Variants in ULK4 observed in about 807,000 individuals in gnomAD.
ULK4 encodes unc-51 like kinase 4, also known as inactive serine/threonine-protein kinase ULK4.
A neutral mutation model predicts 160.6 loss-of-function variants in ULK4; 133 were observed. The ratio of observed to expected loss-of-function variants is 0.83; its 90% CI spans 0.72 to 0.96. The LOEUF (loss-of-function observed/expected upper bound fraction) is 0.96. Ranked by LOEUF, ULK4 falls within the 40% of genes least tolerant of loss-of-function variation. The pLI, the probability that ULK4 is intolerant of heterozygous loss-of-function variation, is 0.00. For missense variants in ULK4, 1,580 were observed against 1,499.5 expected, an observed-to-expected ratio of 1.05 and a Z score of -0.89; for synonymous variants, 534 against 539.8, an observed-to-expected ratio of 0.99 and a Z score of 0.15.
At chr3:41,648,905 G>A (rs28419079) in intron 30 of ULK4, among the ~76,000 whole-genome samples, 19 of 152,168 alleles carry the variant, frequency 1.2e-4, no homozygotes, top group South Asian at 8.3e-4. Flanking sequence ...AGGCCAAGGC[G>A]GGCAGATCGT....
intron 29 of ULK4, among the ~76,000 whole-genome samples, chr3:41,669,725 G>T (rs1180053331): frequency 6.6e-6 from 1 of 151,696 alleles, no homozygotes; most frequent in African/African-American, 2.4e-5. Flanking sequence ...TTGTTTAAAT[G>T]ATTTTTAGTA....
At chr3:41,903,454 G>A (rs780740649) in intron 12 of ULK4, among the ~76,000 whole-genome samples, 6 of 152,050 alleles carry the variant, frequency 3.9e-5, no homozygotes, top group East Asian at 3.9e-4. Context: ...GTGTGGTGGC[G>A]GGTGCCTGTG....
chr3:41,636,599 GT>G (rs750453626), intron 30 of ULK4, among the ~76,000 whole-genome samples: 2 of 151,382 alleles, frequency 1.3e-5, no homozygotes, highest in Non-Finnish European at 2.9e-5. Flanking sequence ...TATTTTTATT[GT>G]TGTTTTTTTT....
At chr3:41,537,256 T>C (rs557888892) in intron 32 of ULK4, among the ~76,000 whole-genome samples, 2 of 110,710 alleles carry the variant, frequency 1.8e-5, no homozygotes, top group African/African-American at 6.5e-5. Context: ...GTAAATCCCA[T>C]GAAGTTATGC....
chr3:41,896,013 A>C (rs1475085690), intron 15 of ULK4, among the ~76,000 whole-genome samples: 1 of 152,130 alleles, frequency 6.6e-6, no homozygotes. Flanking sequence ...AAACCAAAAA[A>C]ACTCTGACAA....
At chr3:41,388,942 T>C (rs1260069540) in intron 35 of ULK4, among the ~76,000 whole-genome samples, 1 of 152,062 alleles carries the variant, frequency 6.6e-6, no homozygotes, top group African/African-American at 2.4e-5. Context: ...GGGGATGGCA[T>C]TGAATCTGTA....
chr3:41,268,811 CACAAA>C (rs1412127052), intron 35 of ULK4, among the ~76,000 whole-genome samples: 2 of 45,020 alleles, frequency 4.4e-5, no homozygotes, highest in Non-Finnish European at 8.4e-5. Context: ...CTCACACACA[CACAAA>C]AAAAAAAAAA....
At chr3:41,578,629 T>C (rs111960028) in intron 31 of ULK4, among the ~76,000 whole-genome samples, 1,774 of 152,276 alleles carry the variant, frequency 0.012, 38 homozygotes, top group African/African-American at 0.041. Context: ...AGTATTAATG[T>C]AGGTGAATAA....
intron 20 of ULK4, among the ~76,000 whole-genome samples, chr3:41,794,687 C>CAAAAAAAAAA (rs2040252658): frequency 1.7e-5 from 1 of 58,546 alleles, no homozygotes; most frequent in Non-Finnish European, 3.0e-5. Context: ...AAAAAAAAAA[C>CAAAAAAAAAA]ACAGAAAAAA....
rs951585032 is a variant in ULK4 at position 41,352,179 on chromosome 3, C to A, written c.3678+45900G>T. Among the ~76,000 whole-genome samples the A allele has an allele frequency of 2.0e-5, 3 of 152,126 alleles. No individual in the cohort carries two copies. The South Asian group carries it at 6.2e-4, about 32-fold the overall frequency. Reference sequence around the variant, plus strand: ...CATGGCCTCATACTCTTCACTTGACCGCAGGCTTCCTCTGACTTGGCTCCT... The same window carrying A: ...CATGGCCTCATACTCTTCACTTGACAGCAGGCTTCCTCTGACTTGGCTCCT... On this transcript the variant is annotated intron_variant, in intron 35 of 36. Transcript: ENST00000301831.
At chr3:41,835,835 C>G (rs374598432) in intron 18 of ULK4, 29 bp downstream of exon 18, 11 of 1,500,872 alleles carry the variant, frequency 7.3e-6, no homozygotes, top group Non-Finnish European at 1.0e-5. Flanking sequence ...ACATGTCAAA[C>G]AGCAACAGAG....
At chr3:41,829,251 G>C (rs374164869) in intron 18 of ULK4, among the ~76,000 whole-genome samples, 23,247 of 130,866 alleles carry the variant, frequency 0.18, 3,234 homozygotes, top group African/African-American at 0.38. Context: ...GACTTCATGT[G>C]TAAAACACCA....
chr3:41,757,350 T>G (rs1330733375), intron 21 of ULK4, among the ~76,000 whole-genome samples: 3 of 152,080 alleles, frequency 2.0e-5, no homozygotes, highest in Non-Finnish European at 4.4e-5. Context: ...AAACTCTTTT[T>G]GGCCAGGCAC....
At chr3:41,270,103 G>GT (rs1448424508) in intron 35 of ULK4, among the ~76,000 whole-genome samples, 1 of 152,122 alleles carries the variant, frequency 6.6e-6, no homozygotes, top group Non-Finnish European at 1.5e-5. Flanking sequence ...GTTAGCTAAA[G>GT]TTGGAGGTCA....
At chr3:41,655,552 A>T (rs953689851) in intron 30 of ULK4, among the ~76,000 whole-genome samples, 28 of 152,196 alleles carry the variant, frequency 1.8e-4, no homozygotes, top group African/African-American at 5.5e-4. Context: ...AAATTAATTT[A>T]AAAAATTATC....
At chr3:41,949,202 G>A (rs182092342) in intron 2 of ULK4, among the ~76,000 whole-genome samples, 48 of 151,786 alleles carry the variant, frequency 3.2e-4, no homozygotes, top group South Asian at 1.5e-3. Context: ...GCAGCTACTC[G>A]GGAGGCTGAG....
intron 22 of ULK4, among the ~76,000 whole-genome samples, chr3:41,725,627 A>G (rs550824360): frequency 7.2e-5 from 11 of 152,124 alleles, no homozygotes; most frequent in Non-Finnish European, 1.3e-4. Flanking sequence ...TATTAATCAC[A>G]GTTATTTTAA....
At chr3:41,903,716 C>A (rs1191058179) in intron 12 of ULK4, among the ~76,000 whole-genome samples, 1 of 151,758 alleles carries the variant, frequency 6.6e-6, no homozygotes, top group Non-Finnish European at 1.5e-5. Flanking sequence ...CTCACAACAG[C>A]AAAAATATAT....
At chr3:41,516,715 G>A (rs2085760509) in intron 32 of ULK4, among the ~76,000 whole-genome samples, 1 of 143,508 alleles carries the variant, frequency 7.0e-6, no homozygotes, top group Admixed American at 7.0e-5. Context: ...GGTGGGGGAA[G>A]GTTGAGATGG....
Sources: allele counts gnomAD v4.1 joint callset (sites outside exome capture counted in the v4.1 genomes callset), GRCh38; gene constraint gnomAD v4.1.1; transcripts MANE v1.5; gene names NCBI Gene and HGNC (gene_info 2026-07-23, HGNC 2026-07-21).